Variants in MIER3 observed in about 807,000 individuals in gnomAD.
MIER3 encodes MIER family member 3.
A neutral mutation model predicts 63.2 loss-of-function variants in MIER3; 9 were observed. That is an observed-to-expected ratio of 0.14 (90% CI 0.09 to 0.25). The LOEUF (loss-of-function observed/expected upper bound fraction) is 0.25, where lower values mean the gene tolerates loss of function less well. Ranked by LOEUF, MIER3 falls within the 10% of genes least tolerant of loss-of-function variation. The pLI, the probability that MIER3 is intolerant of heterozygous loss-of-function variation, is 1.00. For synonymous variants in MIER3, 205 were observed against 224.9 expected (o/e 0.91, Z 0.79); for missense variants, 512 against 666.2 (o/e 0.77, Z 2.55).
Position 56,937,223 on chromosome 5 carries a change from A to G in MIER3, c.436+355T>C, listed in dbSNP as rs148006720. On this transcript the variant is annotated intron_variant, in intron 5 of 12. Transcript: ENST00000381199. ...CCCAAGTAGCTGGGATTACAAGTGC[A>G]TGCCACCACACCTGGCTAATTTTTT... Among the ~76,000 whole-genome samples, 50 of 152,114 alleles carry G rather than the reference A, an allele frequency of 3.3e-4. 1 individual carries two copies. Among genetic ancestry groups the G allele is most frequent in the Admixed American group, 5.2e-4 (8 of 15,286 alleles).
chr5:56,950,815 CT>C lies in MIER3; in HGVS notation c.10-164del, dbSNP rs146730259. 4.4e-3 allele frequency among the ~76,000 whole-genome samples: 663 copies of C among 152,290 alleles called. 9 individuals carry two copies. The highest frequency in any genetic ancestry group is 0.015 in the African/African-American group (630 of 41,566). On this transcript the variant is annotated intron_variant, in intron 1 of 12. Transcript: ENST00000381199. ...TCGCTCCCGGCCCCTTTCGGGCCCC[CT>C]CTTGGCTGCCTCGCCTTCCTCCCCG... is the stretch of plus-strand genomic sequence containing the variant.
intron 1 of MIER3, among the ~76,000 whole-genome samples, chr5:56,951,741 G>C (rs556073658): frequency 6.6e-6 from 1 of 151,936 alleles, no homozygotes; most frequent in Non-Finnish European, 1.5e-5. Flanking sequence ...GCCCGGGGAA[G>C]AGGCGCGGAG....
chr5:56,951,249 G>A (rs941390392), intron 1 of MIER3, among the ~76,000 whole-genome samples: 2 of 152,014 alleles, frequency 1.3e-5, no homozygotes, highest in Non-Finnish European at 2.9e-5. Context: ...AGGGATGCTG[G>A]CTCCTTCCAG....
At chr5:56,941,005 T>G (rs530115955) in intron 3 of MIER3, 3 of 985,428 alleles carry the variant, frequency 3.0e-6, no homozygotes, top group East Asian at 1.1e-4. Flanking sequence ...TCACCTTTTA[T>G]GCACTGATGG....
chr5:56,928,950 C>T (rs1579841297), intron 9 of MIER3, 89 bp from the exon 10 acceptor site: 1 of 743,814 alleles, frequency 1.3e-6, no homozygotes, highest in Non-Finnish European at 2.3e-6. Context: ...TGTAAAAGGT[C>T]ACAAACTCTC....
intron 9 of MIER3, chr5:56,929,519 C>G (rs1298101537): frequency 6.6e-6 from 1 of 152,074 alleles, no homozygotes; most frequent in Non-Finnish European, 1.5e-5. Context: ...AAGCTGTGAT[C>G]ATGCCACTGC....
chr5:56,923,016 A>G lies in MIER3; in HGVS notation c.*112T>C. On this transcript the variant is annotated 3_prime_UTR_variant, in exon 13 of 13. Transcript: ENST00000381199. ...ATATAGTTCTATACATACTGACATC[A>G]CTGATGTCATAGTGAGAAAGGTTCA... The G allele has an allele frequency of 1.3e-6, 1 of 766,064 alleles. No individual in the cohort carries two copies. Among genetic ancestry groups the G allele is most frequent in the South Asian group, 1.8e-5 (1 of 56,862 alleles). 47.5% of individuals were successfully genotyped at this position (766,064 alleles called of 1,614,324 possible).
chr5:56,924,122 A>T, intron 10 of MIER3, 80 bp from the exon 11 acceptor site: 1 of 1,373,082 alleles, frequency 7.3e-7, no homozygotes, highest in Admixed American at 2.0e-5. Flanking sequence ...ACAACACTAC[A>T]ACTTCAATCC....
rs1750492265 is a variant in MIER3 at position 56,937,581 on chromosome 5, G to C, written c.433C>G (p.Arg145Gly). The C allele has an allele frequency of 6.2e-7, 1 of 1,602,338 alleles. No individual in the cohort carries two copies. Among genetic ancestry groups the C allele is most frequent in the Non-Finnish European group, 8.5e-7 (1 of 1,173,832 alleles). Residue 145 changes from arginine to glycine, a missense_variant, in exon 5 of 13, where the codon CGA becomes GGA. Coordinates refer to ENST00000381199, the MANE Select transcript of MIER3 (RefSeq NM_001297599.2). ...ETSDFFPRPLRSNTACDGDKE... is the reference protein window; with the variant it reads ...ETSDFFPRPLGSNTACDGDKE... ...AGTAATCCACTGGGTTTCTTACATC[G>C]TAAAGGCCTAGGGAAGAAATCAGAA...
At position 56,923,820 on chromosome 5, in the gene MIER3, G is replaced by A. The variant is rs754214699; in HGVS notation, c.1066C>T (p.Arg356Cys). The A allele has an allele frequency of 1.9e-6, 3 of 1,614,016 alleles. No homozygotes were observed. The highest frequency in any genetic ancestry group is 2.5e-6 in the Non-Finnish European group (3 of 1,180,014). ...HHPGVTDYMD[R>C]LVDETEALGG... ...AAAGCTTCTGTTTCATCTACTAAAC[G>A]ATCCATATAGTCCCTGAAAAACACA... Residue 356 changes from arginine to cysteine, a missense_variant, in exon 12 of 13, where the codon CGT (arginine) becomes TGT (cysteine). Arg to Cys is a radical substitution (Grantham distance 180). Around this residue, in one of 5 missense-constraint regions of MIER3, gnomAD observed 218 missense variants for 251.2 expected, o/e 0.87. Transcript: ENST00000381199.
intron 7 of MIER3, 70 bp from the exon 8 acceptor site, chr5:56,933,468 T>C (rs1452999888): frequency 1.4e-6 from 2 of 1,381,654 alleles, no homozygotes; most frequent in Non-Finnish European, 1.9e-6. Flanking sequence ...AAACAATTCT[T>C]TGTCTTCCTT....
At chr5:56,939,642 C>T (rs2036774264) in intron 3 of MIER3, among the ~76,000 whole-genome samples, 1 of 152,134 alleles carries the variant, frequency 6.6e-6, no homozygotes, top group Admixed American at 6.5e-5. Context: ...TCCCAGTTCC[C>T]CAAGTTATCT....
chr5:56,940,904 G>C (rs1750623677), intron 3 of MIER3: 2 of 920,012 alleles, frequency 2.2e-6, no homozygotes, highest in Non-Finnish European at 1.3e-6. Context: ...AGAGGTGCCT[G>C]GGTTGCAGCC....
At chr5:56,930,541 G>A in intron 9 of MIER3, 123 bp downstream of exon 9, 1 of 793,712 alleles carries the variant, frequency 1.3e-6, no homozygotes, top group Non-Finnish European at 2.1e-6. Context: ...ATTTGCTATG[G>A]AGCTGAACCA....
At chr5:56,942,957 T>C (rs997524946) in intron 3 of MIER3, among the ~76,000 whole-genome samples, 1 of 152,030 alleles carries the variant, frequency 6.6e-6, no homozygotes, top group Non-Finnish European at 1.5e-5. Context: ...AGCCTGGGCA[T>C]TGCAAGACCC....
chr5:56,944,198 G>A (rs1433210047), intron 3 of MIER3, among the ~76,000 whole-genome samples: 2 of 152,134 alleles, frequency 1.3e-5, no homozygotes, highest in Admixed American at 6.5e-5. Flanking sequence ...TAGGCTGGGC[G>A]CGGTGGCTCA....
intron 9 of MIER3, 79 bp from the exon 10 acceptor site, chr5:56,928,940 T>G: frequency 1.1e-6 from 1 of 905,786 alleles, no homozygotes; most frequent in South Asian, 1.4e-5. Context: ...ATGTTTTCCC[T>G]GTAAAAGGTC....
chr5:56,927,527 T>G (rs754885614), intron 10 of MIER3, among the ~76,000 whole-genome samples: 14 of 152,180 alleles, frequency 9.2e-5, no homozygotes, highest in Non-Finnish European at 2.1e-4. Context: ...TAATGAGAAT[T>G]ATTCCAAACT....
intron 3 of MIER3, among the ~76,000 whole-genome samples, chr5:56,943,526 A>G (rs1337791706): frequency 1.3e-5 from 2 of 152,158 alleles, no homozygotes; most frequent in Non-Finnish European, 2.9e-5. Context: ...CACAGGAATG[A>G]CCATCTGTTG....
Sources: gnomAD v4.1 joint callset for allele counts (sites outside exome capture counted in the v4.1 genomes callset) on GRCh38, gnomAD v4.1.1 for gene constraint, gnomAD v4.1.1 regional missense constraint, MANE v1.5 for transcripts, NCBI Gene and HGNC (gene_info 2026-07-23, HGNC 2026-07-21) for gene names.